The following NXPH1 variants were observed in gnomAD, a reference collection of about 807,000 sequenced individuals.
NXPH1 encodes neurexophilin 1, also known as neurexophilin-1.
A neutral mutation model predicts 23.7 loss-of-function variants in NXPH1; 5 were observed. That is an observed-to-expected ratio of 0.21 (90% CI 0.11 to 0.44). The LOEUF (loss-of-function observed/expected upper bound fraction) is 0.44. Ranked by LOEUF, NXPH1 falls within the 20% of genes least tolerant of loss-of-function variation. The pLI, the probability that NXPH1 is intolerant of heterozygous loss-of-function variation, is 0.99. For missense variants in NXPH1, 324 were observed against 321.6 expected, an observed-to-expected ratio of 1.01 and a Z score of -0.06; for synonymous variants, 144 against 122.2, an observed-to-expected ratio of 1.18 and a Z score of -1.18.
chr7:8,681,371 C>T (rs572302900), intron 2 of NXPH1, among the ~76,000 whole-genome samples: 1 of 152,106 alleles, frequency 6.6e-6, no homozygotes, highest in Admixed American at 6.6e-5. Context: ...GACAATTTAC[C>T]CAGTAATGTG....
intron 2 of NXPH1, among the ~76,000 whole-genome samples, chr7:8,694,948 A>G (rs1247161320): frequency 6.6e-6 from 1 of 152,220 alleles, no homozygotes; most frequent in African/African-American, 2.4e-5. Context: ...CTAGGAAAGA[A>G]AATCTCTAAA....
chr7:8,747,583 T>G (rs1345975757), intron 2 of NXPH1, among the ~76,000 whole-genome samples: 1 of 152,232 alleles, frequency 6.6e-6, no homozygotes, highest in East Asian at 1.9e-4. Flanking sequence ...CATTCCTGTA[T>G]TTATTCTTTT....
intron 2 of NXPH1, among the ~76,000 whole-genome samples, chr7:8,700,302 C>T (rs1173404620): frequency 6.6e-5 from 10 of 152,118 alleles, no homozygotes; most frequent in African/African-American, 2.4e-5. Flanking sequence ...CAGTGTTTGA[C>T]AGGTAACAGA....
intron 2 of NXPH1, among the ~76,000 whole-genome samples, chr7:8,707,323 C>T (rs1184766383): frequency 3.3e-5 from 5 of 152,154 alleles, no homozygotes; most frequent in Non-Finnish European, 5.9e-5. Flanking sequence ...TTAAATATCA[C>T]ATCCTTTAAT....
chr7:8,500,002 T>C (rs564906792), intron 2 of NXPH1, among the ~76,000 whole-genome samples: 2 of 152,246 alleles, frequency 1.3e-5, no homozygotes, highest in African/African-American at 4.8e-5. Context: ...CTGTGTACTA[T>C]AAAGCGAATA....
At chr7:8,729,130 G>C (rs972280463) in intron 2 of NXPH1, among the ~76,000 whole-genome samples, 2 of 152,018 alleles carry the variant, frequency 1.3e-5, no homozygotes, top group African/African-American at 4.8e-5. Flanking sequence ...TTTGCATAGA[G>C]GTGTTTATAG....
intron 2 of NXPH1, among the ~76,000 whole-genome samples, chr7:8,698,113 C>G (rs1416518370): frequency 6.6e-6 from 1 of 152,092 alleles, no homozygotes; most frequent in Non-Finnish European, 1.5e-5. Context: ...AGATAAAAAG[C>G]TTACTAGGAG....
At chr7:8,538,242 G>A (rs1325577359) in intron 2 of NXPH1, among the ~76,000 whole-genome samples, 1 of 151,878 alleles carries the variant, frequency 6.6e-6, no homozygotes, top group Non-Finnish European at 1.5e-5. Flanking sequence ...GCTGGTGACT[G>A]GCAAAGCTGG....
chr7:8,733,051 C>T (rs1434270525), intron 2 of NXPH1, among the ~76,000 whole-genome samples: 3 of 151,814 alleles, frequency 2.0e-5, no homozygotes, highest in Admixed American at 2.0e-4. Flanking sequence ...TGACAGGCCC[C>T]CTGTGTGTAA....
At chr7:8,697,274 T>C (rs539719119) in intron 2 of NXPH1, among the ~76,000 whole-genome samples, 136 of 151,478 alleles carry the variant, frequency 9.0e-4, no homozygotes, top group Non-Finnish European at 1.3e-3. Context: ...AAGATGCCAG[T>C]TGGGGGTTTG....
chr7:8,698,163 G>A (rs1042099004), intron 2 of NXPH1, among the ~76,000 whole-genome samples: 11 of 152,276 alleles, frequency 7.2e-5, no homozygotes, highest in African/African-American at 2.4e-4. Flanking sequence ...TACAATGTAT[G>A]GCTGAGTTCT....
At chr7:8,671,351 A>T (rs1463856043) in intron 2 of NXPH1, among the ~76,000 whole-genome samples, 2 of 152,172 alleles carry the variant, frequency 1.3e-5, no homozygotes, top group South Asian at 4.1e-4. Context: ...GTTCCTGAGC[A>T]TTCTAAAAAC....
At chr7:8,459,132 T>A (rs1335382027) in intron 2 of NXPH1, among the ~76,000 whole-genome samples, 1 of 151,966 alleles carries the variant, frequency 6.6e-6, no homozygotes, top group African/African-American at 2.4e-5. Context: ...TTAATGAACA[T>A]CTTGGGTTGT....
At chr7:8,518,828 G>C (rs923996759) in intron 2 of NXPH1, among the ~76,000 whole-genome samples, 2 of 152,112 alleles carry the variant, frequency 1.3e-5, no homozygotes, top group African/African-American at 4.8e-5. Context: ...ATAAGCTTGT[G>C]CTTAAACCTA....
Position 8,435,710 on chromosome 7 carries a change from G to C in NXPH1, c.-4G>C. On this transcript the variant is annotated 5_prime_UTR_variant, in exon 2 of 3. Coordinates refer to ENST00000405863, the MANE Select transcript of NXPH1 (RefSeq NM_152745.3). The surrounding 1 kb of genome is among the most constrained non-coding windows in gnomAD (Gnocchi z 5.9). ...ACCGCCAAGGAAGTTTGAGACGCGG[G>C]AGAATGCAGGCTGCGTGCTGGTACG... The C allele has an allele frequency of 6.2e-7, 1 of 1,613,962 alleles. No homozygotes were observed. The highest frequency in any genetic ancestry group is 8.5e-7 in the Non-Finnish European group (1 of 1,179,854).
chr7:8,674,389 C>T (rs1164678539), intron 2 of NXPH1, among the ~76,000 whole-genome samples: 1 of 152,024 alleles, frequency 6.6e-6, no homozygotes, highest in Admixed American at 6.6e-5. Flanking sequence ...TATTCACTTC[C>T]CGAGAGTATG....
chr7:8,700,507 G>A (rs1041028577), intron 2 of NXPH1, among the ~76,000 whole-genome samples: 1 of 151,906 alleles, frequency 6.6e-6, no homozygotes. Context: ...GGCTTCTAAC[G>A]GCCTATTATA....
intron 2 of NXPH1, among the ~76,000 whole-genome samples, chr7:8,508,140 G>T (rs1337100628): frequency 6.6e-6 from 1 of 152,060 alleles, no homozygotes; most frequent in Non-Finnish European, 1.5e-5. Context: ...ACAATACTCA[G>T]ATAATTGCAA....
At chr7:8,586,115 G>A (rs76057095) in intron 2 of NXPH1, among the ~76,000 whole-genome samples, 7,522 of 152,150 alleles carry the variant, frequency 0.049, 527 homozygotes, top group African/African-American at 0.15. Flanking sequence ...TGAACACACC[G>A]TATCTATCTT....
Sources: gnomAD v4.1 joint callset for allele counts (sites outside exome capture counted in the v4.1 genomes callset) on GRCh38, gnomAD v4.1.1 for gene constraint, Gnocchi (gnomAD v3.1) non-coding constraint, MANE v1.5 for transcripts, NCBI Gene and HGNC (gene_info 2026-07-23, HGNC 2026-07-21) for gene names.